The following OPCML variants were observed in gnomAD, a reference collection of about 807,000 sequenced individuals.
OPCML encodes the protein opioid binding protein/cell adhesion molecule like.
OPCML carries 13 observed loss-of-function variants against 37.8 expected under a neutral mutation model. The observed-to-expected ratio is 0.34, with a 90% confidence interval of 0.22 to 0.55. The LOEUF (loss-of-function observed/expected upper bound fraction) is 0.55, where lower values mean the gene tolerates loss of function less well. Among genes scored for constraint, OPCML ranks in the 20% least tolerant of loss-of-function variants. The pLI is 0.91. For synonymous variants in OPCML, 176 were observed against 168.8 expected (o/e 1.04, Z -0.33); for missense variants, 341 against 435.6 (o/e 0.78, Z 1.93).
At position 132,727,146 on chromosome 11, in the gene OPCML, C is replaced by T. The variant is rs745744459; in HGVS notation, c.147-69827G>A. ...CGCATCAATCAACTAATTTTCTCAT[C>T]CTTCTGGAGAAGGTGCTATGAAGAG... is the stretch of plus-strand genomic sequence containing the variant. On this transcript the variant is annotated intron_variant, in intron 2 of 7. Transcript: ENST00000524381. Among the ~76,000 whole-genome samples the T allele has an allele frequency of 1.2e-4, 18 of 152,202 alleles. No individual in the cohort carries two copies. The South Asian group carries it at 3.7e-3, about 32-fold the overall frequency.
At chr11:133,084,738 G>A (rs562386238) in intron 1 of OPCML, among the ~76,000 whole-genome samples, 5 of 152,264 alleles carry the variant, frequency 3.3e-5, no homozygotes, top group African/African-American at 9.6e-5. Context: ...GCGAGTATGA[G>A]ATCACCTGTT....
At chr11:132,794,128 G>GC (rs945303875) in intron 2 of OPCML, among the ~76,000 whole-genome samples, 3 of 152,112 alleles carry the variant, frequency 2.0e-5, no homozygotes, top group Non-Finnish European at 2.9e-5. Context: ...GCCCTTGTTA[G>GC]CCCCCTCCCA....
intron 1 of OPCML, among the ~76,000 whole-genome samples, chr11:133,165,031 T>C (rs192624876): frequency 4.9e-4 from 74 of 152,350 alleles, no homozygotes; most frequent in Middle Eastern, 3.4e-3. Flanking sequence ...ACCCATGGAT[T>C]TCATTTCCCT....
chr11:132,445,116 T>C (rs997552267), intron 4 of OPCML, among the ~76,000 whole-genome samples: 4 of 152,220 alleles, frequency 2.6e-5, no homozygotes, highest in African/African-American at 9.6e-5. Context: ...AGGGCGGCCA[T>C]GCTGGCTGCC....
At chr11:133,478,323 TAC>T (rs1947289110) in intron 1 of OPCML, among the ~76,000 whole-genome samples, 1 of 152,160 alleles carries the variant, frequency 6.6e-6, no homozygotes. Context: ...CTTCTTCCAG[TAC>T]AGAGAAGTTC....
At chr11:132,561,599 A>T (rs899979871) in intron 3 of OPCML, among the ~76,000 whole-genome samples, 1 of 152,218 alleles carries the variant, frequency 6.6e-6, no homozygotes, top group African/African-American at 2.4e-5. Context: ...ATTAGCACAC[A>T]ATGCTGGGGG....
At chr11:132,629,286 G>A (rs938106041) in intron 3 of OPCML, among the ~76,000 whole-genome samples, 2 of 152,152 alleles carry the variant, frequency 1.3e-5, no homozygotes, top group Non-Finnish European at 2.9e-5. Flanking sequence ...TCTAATTAAA[G>A]CAAATCCCAG....
intron 1 of OPCML, among the ~76,000 whole-genome samples, chr11:133,347,125 T>C (rs1418007711): frequency 6.6e-6 from 1 of 152,256 alleles, no homozygotes; most frequent in Non-Finnish European, 1.5e-5. Context: ...AAAGAATGTA[T>C]TGCTTATATC....
intron 2 of OPCML, among the ~76,000 whole-genome samples, chr11:132,759,302 A>G (rs891539170): frequency 6.6e-6 from 1 of 152,150 alleles, no homozygotes; most frequent in Non-Finnish European, 1.5e-5. Context: ...TATCAGGATG[A>G]TGCTGGCCTC....
At position 133,230,888 on chromosome 11, in the gene OPCML, A is replaced by G. The variant is rs11223406; in HGVS notation, c.62-287878T>C. Among the ~76,000 whole-genome samples the G allele has an allele frequency of 8.2e-4, 125 of 152,346 alleles. 1 individual carries two copies. In the East Asian group the frequency reaches 0.021, roughly 25 times the overall value. On this transcript the variant is annotated intron_variant, in intron 1 of 7. Transcript: ENST00000524381. ...TCTGAAATGTGGACAATCTGAGTGA[A>G]GAAAAGGGAGAAGAAAAGGGAAGGC...
At chr11:132,851,372 TAG>T (rs1941801892) in intron 2 of OPCML, among the ~76,000 whole-genome samples, 1 of 152,186 alleles carries the variant, frequency 6.6e-6, no homozygotes, top group Non-Finnish European at 1.5e-5. Flanking sequence ...TCAAAAGGTC[TAG>T]AGCTCAAAAA....
chr11:132,986,095 G>C (rs1946678128), intron 1 of OPCML, among the ~76,000 whole-genome samples: 1 of 152,112 alleles, frequency 6.6e-6, no homozygotes, highest in Non-Finnish European at 1.5e-5. Context: ...CTCACATCAA[G>C]CATCAGCTCT....
chr11:132,933,569 G>A (rs193252732), intron 2 of OPCML, among the ~76,000 whole-genome samples: 1 of 144,872 alleles, frequency 6.9e-6, no homozygotes, highest in African/African-American at 2.5e-5. Flanking sequence ...AGAAAAGGGA[G>A]ATGTGTGTGT....
At chr11:133,012,604 G>A (rs774443829) in intron 1 of OPCML, among the ~76,000 whole-genome samples, 18 of 152,118 alleles carry the variant, frequency 1.2e-4, no homozygotes, top group African/African-American at 3.6e-4. Flanking sequence ...GGCCGGACAC[G>A]GTGGCTCACA....
intron 1 of OPCML, among the ~76,000 whole-genome samples, chr11:132,954,427 G>T (rs1011952102): frequency 1.8e-5 from 2 of 108,548 alleles, no homozygotes; most frequent in African/African-American, 6.5e-5. Flanking sequence ...ACTTTTAAGT[G>T]AACTTTTTTA....
At chr11:132,748,353 G>A (rs1945711140) in intron 2 of OPCML, among the ~76,000 whole-genome samples, 1 of 152,122 alleles carries the variant, frequency 6.6e-6, no homozygotes, top group African/African-American at 2.4e-5. Flanking sequence ...TGTATCGAAT[G>A]CCCGCTTTCT....
intron 1 of OPCML, among the ~76,000 whole-genome samples, chr11:133,264,719 C>T (rs189067398): frequency 9.6e-4 from 146 of 151,922 alleles, no homozygotes; most frequent in African/African-American, 3.3e-3. Flanking sequence ...CCTCCTTTAC[C>T]TAATTCACAG....
chr11:133,369,852 A>T (rs1565597532), intron 1 of OPCML, among the ~76,000 whole-genome samples: 1 of 152,168 alleles, frequency 6.6e-6, no homozygotes, highest in Non-Finnish European at 1.5e-5. Context: ...GCTGTTCCTT[A>T]CTGGAAATGC....
intron 1 of OPCML, among the ~76,000 whole-genome samples, chr11:133,231,740 T>C (rs1354047354): frequency 6.6e-6 from 1 of 152,140 alleles, no homozygotes; most frequent in Admixed American, 6.5e-5. Flanking sequence ...CTTCATGGGG[T>C]GATAACTATA....
Sources: allele counts gnomAD v4.1 joint callset (sites outside exome capture counted in the v4.1 genomes callset), GRCh38; gene constraint gnomAD v4.1.1; transcripts MANE v1.5; gene names NCBI Gene and HGNC (gene_info 2026-07-23, HGNC 2026-07-21).